STX8: variants seen among roughly 807,000 people sequenced by gnomAD.
The protein encoded by STX8 is syntaxin-8.
In STX8, 23 loss-of-function variants were observed where a neutral mutation model predicts 37.5. The observed-to-expected ratio is 0.61, with a 90% CI of 0.44 to 0.87. The LOEUF (loss-of-function observed/expected upper bound fraction) is 0.87. STX8 is among the 40% of genes least tolerant of loss of function. STX8 has a pLI of 0.00. For missense variants in STX8, 313 were observed against 284.7 expected, an observed-to-expected ratio of 1.10 and a Z score of -0.71; for synonymous variants, 115 against 99.1, an observed-to-expected ratio of 1.16 and a Z score of -0.95.
At position 9,435,592 on chromosome 17, in the gene STX8, A is replaced by G. The variant is rs150330216; in HGVS notation, c.541+56237T>C. ...CTGCTTAAAGAGCACCTAGAACCAT[A>G]ATAGGTAAATAGAAGATATATGTGG... is the stretch of plus-strand genomic sequence containing the variant. On this transcript the variant is annotated intron_variant, in intron 6 of 7. Transcript: ENST00000306357. 4.6e-5 allele frequency among the ~76,000 whole-genome samples: 7 copies of G among 152,348 alleles called. No individual in the cohort carries two copies. In the East Asian group the frequency reaches 1.4e-3, roughly 29 times the overall value.
intron 7 of STX8, among the ~76,000 whole-genome samples, chr17:9,257,691 CA>C (rs146609394): frequency 0.041 from 6,313 of 152,244 alleles, 196 homozygotes; most frequent in African/African-American, 0.082. Flanking sequence ...TGTCTTGAAC[CA>C]AAACACATAT....
intron 7 of STX8, among the ~76,000 whole-genome samples, chr17:9,330,625 C>T (rs984611791): frequency 3.9e-5 from 6 of 152,330 alleles, no homozygotes; most frequent in South Asian, 2.1e-4. Flanking sequence ...GCACTGGCTT[C>T]GGCTTTCTGT....
intron 6 of STX8, among the ~76,000 whole-genome samples, chr17:9,449,848 G>A (rs1024893561): frequency 6.6e-6 from 1 of 151,792 alleles, no homozygotes; most frequent in Non-Finnish European, 1.5e-5. Context: ...CCAAGCACAG[G>A]TGGCACACAC....
intron 6 of STX8, among the ~76,000 whole-genome samples, chr17:9,437,335 C>T (rs985705816): frequency 1.1e-4 from 16 of 152,180 alleles, no homozygotes; most frequent in Admixed American, 4.6e-4. Flanking sequence ...CAAGAGGATT[C>T]ACTCGTCAGG....
chr17:9,371,396 C>A (rs1911396117), intron 7 of STX8, among the ~76,000 whole-genome samples: 1 of 152,136 alleles, frequency 6.6e-6, no homozygotes, highest in Non-Finnish European at 1.5e-5. Flanking sequence ...TAATTCCCAC[C>A]CCCTATAGTT....
chr17:9,394,095 GCAAAAACAAAAA>G (rs1022553859), intron 6 of STX8, among the ~76,000 whole-genome samples: 1 of 152,090 alleles, frequency 6.6e-6, no homozygotes, highest in Non-Finnish European at 1.5e-5. Context: ...AAAGCAAGTG[GCAAAAACAAAAA>G]CAAAAACAAA....
chr17:9,477,190 TA>T (rs1271649255), intron 6 of STX8, among the ~76,000 whole-genome samples: 1 of 152,106 alleles, frequency 6.6e-6, no homozygotes, highest in Non-Finnish European at 1.5e-5. Flanking sequence ...ATACCAGGCA[TA>T]TTGGATTAGG....
chr17:9,271,283 G>A (rs1907448413), intron 7 of STX8, among the ~76,000 whole-genome samples: 2 of 151,436 alleles, frequency 1.3e-5, no homozygotes, highest in Admixed American at 6.6e-5. Context: ...GTGAAACTTC[G>A]TCTCTACTAA....
intron 6 of STX8, among the ~76,000 whole-genome samples, chr17:9,460,585 A>G (rs1905334464): frequency 1.3e-5 from 2 of 150,848 alleles, no homozygotes; most frequent in Non-Finnish European, 3.0e-5. Context: ...AGGCAGGAGA[A>G]TAGCTTGAAC....
At chr17:9,318,834 T>C (rs1909473469) in intron 7 of STX8, among the ~76,000 whole-genome samples, 1 of 151,992 alleles carries the variant, frequency 6.6e-6, no homozygotes, top group Non-Finnish European at 1.5e-5. Context: ...GTGAAAACTG[T>C]GATAAAAGGG....
intron 4 of STX8, among the ~76,000 whole-genome samples, chr17:9,506,097 T>G (rs982098269): frequency 6.6e-6 from 1 of 152,142 alleles, no homozygotes; most frequent in African/African-American, 2.4e-5. Context: ...ATAATCCATG[T>G]GCCCTTTCTG....
intron 6 of STX8, among the ~76,000 whole-genome samples, chr17:9,408,979 T>C (rs2142330484): frequency 6.6e-6 from 1 of 152,098 alleles, no homozygotes; most frequent in African/African-American, 2.4e-5. Context: ...AGCCACAAAC[T>C]GGAAATCAGA....
chr17:9,250,795 G>T (rs1193766339), intron 7 of STX8, 150 bp from the exon 8 acceptor site: 29 of 788,590 alleles, frequency 3.7e-5, no homozygotes, highest in Non-Finnish European at 5.9e-5. Flanking sequence ...GTGGCCTGGG[G>T]CGCCGCTGCT....
chr17:9,251,411 T>C (rs1906572616), intron 7 of STX8, among the ~76,000 whole-genome samples: 1 of 152,198 alleles, frequency 6.6e-6, no homozygotes, highest in Non-Finnish European at 1.5e-5. Flanking sequence ...TAACGAGTGT[T>C]TACCACGTGC....
In STX8 at chr17:9,559,734, TTATA is replaced by T. The variant is rs1009971082; in HGVS notation, c.118-2210_118-2207del. ...AATCAACTGAAAGATTATTATTATT[TTATA>T]TATATATATATATATATATATATTT... On this transcript the variant is annotated intron_variant, in intron 2 of 7. Transcript: ENST00000306357. Among the ~76,000 whole-genome samples the T allele has an allele frequency of 6.3e-3, 307 of 48,706 alleles. 6 individuals are homozygous for T. Among genetic ancestry groups the T allele is most frequent in the Middle Eastern group, 0.016 (1 of 62 alleles). 32.0% of individuals were successfully genotyped at this position (48,706 alleles called of 152,430 possible).
At position 9,475,638 on chromosome 17, in the gene STX8, G is replaced by A. The variant is rs544460581; in HGVS notation, c.541+16191C>T. ...TGTCCAGGCTAGAGAATGAGTCAAA[G>A]AAGAGCCTCTAGGATAGACACAGGG... is the stretch of plus-strand genomic sequence containing the variant. On this transcript the variant is annotated intron_variant, in intron 6 of 7. Transcript: ENST00000306357. Among the ~76,000 whole-genome samples, 390 of 152,264 alleles carry A rather than the reference G, an allele frequency of 2.6e-3. 1 individual carries two copies. The highest frequency in any genetic ancestry group is 9.0e-3 in the African/African-American group (373 of 41,542).
At chr17:9,383,829 G>GA (rs1246074392) in intron 6 of STX8, among the ~76,000 whole-genome samples, 2 of 151,932 alleles carry the variant, frequency 1.3e-5, no homozygotes, top group Non-Finnish European at 2.9e-5. Context: ...AAAGAACGGA[G>GA]AAAAAATAAA....
At chr17:9,293,814 T>C (rs953860492) in intron 7 of STX8, among the ~76,000 whole-genome samples, 1 of 151,440 alleles carries the variant, frequency 6.6e-6, no homozygotes, top group South Asian at 2.1e-4. Context: ...CAGGCTGGAG[T>C]GCAGCGGCAC....
intron 7 of STX8, among the ~76,000 whole-genome samples, chr17:9,317,682 C>T (rs994536814): frequency 2.0e-5 from 3 of 151,524 alleles, no homozygotes; most frequent in South Asian, 4.2e-4. Context: ...AGGAGAATGT[C>T]GTGAACCCGG....
Sources: allele counts gnomAD v4.1 joint callset (sites outside exome capture counted in the v4.1 genomes callset), GRCh38; gene constraint gnomAD v4.1.1; transcripts MANE v1.5; gene names NCBI Gene and HGNC (gene_info 2026-07-23, HGNC 2026-07-21).